PSMF1: variants seen among roughly 807,000 people sequenced by gnomAD.
The protein encoded by PSMF1 is proteasome inhibitor PI31 subunit.
A neutral mutation model predicts 29.3 loss-of-function variants in PSMF1; 30 were observed. The observed-to-expected ratio is 1.02, with a 90% CI of 0.77 to 1.39. The LOEUF (loss-of-function observed/expected upper bound fraction) is 1.39. PSMF1 is among the 40% of genes most tolerant of loss of function. The pLI is 0.00. For synonymous variants in PSMF1, 134 were observed against 139.7 expected (o/e 0.96, Z 0.29); for missense variants, 344 against 357.5 (o/e 0.96, Z 0.31).
chr20:1,132,654 C>T (rs1310888212), intron 3 of PSMF1, among the ~76,000 whole-genome samples: 1 of 152,158 alleles, frequency 6.6e-6, no homozygotes, highest in Non-Finnish European at 1.5e-5. Flanking sequence ...ATAGGAGTTG[C>T]ATTAAACCTA....
intron 1 of PSMF1, among the ~76,000 whole-genome samples, chr20:1,120,080 C>T (rs916989759): frequency 6.6e-6 from 1 of 152,136 alleles, no homozygotes; most frequent in East Asian, 1.9e-4. Context: ...TCCCCCACCC[C>T]TCACTGCTGT....
chr20:1,159,402 T>G lies in PSMF1; in HGVS notation c.552-3728T>G, dbSNP rs1445049213. Among the ~76,000 whole-genome samples, 4 of 152,172 alleles carry G rather than the reference T, an allele frequency of 2.6e-5. No homozygotes were observed. The East Asian group carries it at 7.7e-4, about 29-fold the overall frequency. ...TCTCGAACTCCTGGCCTCAAGTGATTTGCCCACCTCAGGCCTCCCAAAGTG... is the reference window on the plus strand; with the variant it reads ...TCTCGAACTCCTGGCCTCAAGTGATGTGCCCACCTCAGGCCTCCCAAAGTG... On this transcript the variant is annotated intron_variant, in intron 4 of 6. Transcript: ENST00000335877.
intron 4 of PSMF1, chr20:1,161,061 C>T (rs1286963323): frequency 3.4e-5 from 16 of 466,212 alleles, no homozygotes; most frequent in Non-Finnish European, 5.6e-5. Flanking sequence ...GTCACACACA[C>T]GGTGCCCATC....
chr20:1,116,006 C>G (rs1486061926), upstream of PSMF1, among the ~76,000 whole-genome samples: 1 of 150,520 alleles, frequency 6.6e-6, no homozygotes, highest in Non-Finnish European at 1.5e-5. Flanking sequence ...GCTGGGATTA[C>G]AGGTGTGAGC....
intron 2 of PSMF1, 59 bp from the exon 3 acceptor site, chr20:1,127,367 C>A (rs1600143903): frequency 7.7e-7 from 1 of 1,305,814 alleles, no homozygotes; most frequent in Non-Finnish European, 1.1e-6. Flanking sequence ...TCTCCCTTCA[C>A]CCTCCCACTC....
Position 1,171,067 on chromosome 20 carries a change from G to C in PSMF1, c.*5987G>C, listed in dbSNP as rs767947617. Among the ~76,000 whole-genome samples, 1 of 152,066 alleles carries C rather than the reference G, an allele frequency of 6.6e-6. No homozygotes were observed. Among genetic ancestry groups the C allele is most frequent in the Non-Finnish European group, 1.5e-5 (1 of 67,996 alleles). On this transcript the variant is annotated 3_prime_UTR_variant, in exon 7 of 7. Coordinates refer to ENST00000335877, the MANE Select transcript of PSMF1 (RefSeq NM_006814.5). ...CTCTAGGTGAGGTGCATGGGTCCCTGGGCAAAACCCATTCCAGAAGCTGGG... is the reference window on the plus strand; with the variant it reads ...CTCTAGGTGAGGTGCATGGGTCCCTCGGCAAAACCCATTCCAGAAGCTGGG...
intron 4 of PSMF1, among the ~76,000 whole-genome samples, chr20:1,141,548 A>C (rs973059222): frequency 2.0e-5 from 3 of 152,004 alleles, no homozygotes; most frequent in Non-Finnish European, 4.4e-5. Context: ...TATTTTAAGG[A>C]CTCATCATCA....
At chr20:1,123,600 T>C (rs1201554876) in intron 1 of PSMF1, among the ~76,000 whole-genome samples, 3 of 152,242 alleles carry the variant, frequency 2.0e-5, no homozygotes, top group Non-Finnish European at 4.4e-5. Context: ...CTATATAGTA[T>C]TCCACTATAA....
At chr20:1,125,906 A>C in intron 2 of PSMF1, 1 of 626,198 alleles carries the variant, frequency 1.6e-6, no homozygotes, top group South Asian at 1.5e-5. Context: ...AAATCTATTC[A>C]GTGACAAGAT....
chr20:1,127,492 C>T lies in PSMF1; in HGVS notation c.349C>T (p.Leu117=). 1 of 1,602,392 alleles carries T rather than the reference C, an allele frequency of 6.2e-7. No individual in the cohort carries two copies. Among genetic ancestry groups the T allele is most frequent in the Non-Finnish European group, 8.6e-7 (1 of 1,169,210 alleles). Residue 117 remains leucine, a synonymous_variant, in exon 3 of 7, where the codon CTG becomes TTG. Transcript: ENST00000335877. ...NLDDYIDAEH[L]GDFHRTYKNS... ...GGATGATTATATCGATGCAGAACAC[C>T]TGGGTGACTTCCACAGGTACTTCTA...
Position 1,133,569 on chromosome 20 carries a change from A to ATATATATATATATT in PSMF1, c.366-1551_366-1550insATATATATATATTT. ...TCTATATATGTGTATATATATATATATTTTTTTTTTTTTTTTGGTGTAGTC... is the reference window on the plus strand; with the variant it reads ...TCTATATATGTGTATATATATATATATATATATATATATTTTTTTTTTTTTTTTTTGGTGTAGTC... On this transcript the variant is annotated intron_variant, in intron 3 of 6. Coordinates refer to ENST00000335877, the MANE Select transcript of PSMF1 (RefSeq NM_006814.5). Among the ~76,000 whole-genome samples, 89 of 53,290 alleles carry ATATATATATATATT rather than the reference A, an allele frequency of 1.7e-3. 1 individual carries two copies. Among genetic ancestry groups the ATATATATATATATT allele is most frequent in the African/African-American group, 2.6e-3 (46 of 17,826 alleles). The allele number at this position is 53,290 out of a possible 152,430, so 35.0% of individuals were successfully genotyped here. A position where few individuals can be genotyped will look rare whatever the true frequency, so the allele number is the denominator to read the frequency against.
Position 1,170,063 on chromosome 20 carries a change from C to G in PSMF1, c.*4983C>G, listed in dbSNP as rs961065226. On this transcript the variant is annotated 3_prime_UTR_variant, in exon 7 of 7. Transcript: ENST00000335877. ...CTTCAGATCCATTTTTGACAAGTTCCTTTTGTGAGTCCTATGATCATGCAA... is the reference window on the plus strand; with the variant it reads ...CTTCAGATCCATTTTTGACAAGTTCGTTTTGTGAGTCCTATGATCATGCAA... 2.0e-5 allele frequency among the ~76,000 whole-genome samples: 3 copies of G among 152,156 alleles called. No individual in the cohort carries two copies. The highest frequency in any genetic ancestry group is 4.4e-5 in the Non-Finnish European group (3 of 68,028).
chr20:1,125,399 G>A, intron 1 of PSMF1, 99 bp from the exon 2 acceptor site: 6 of 1,278,856 alleles, frequency 4.7e-6, no homozygotes, highest in Non-Finnish European at 6.3e-6. Context: ...ATCTTCATCT[G>A]TGAAGTGAGG....
intron 4 of PSMF1, among the ~76,000 whole-genome samples, chr20:1,145,391 C>T (rs1272721257): frequency 6.6e-6 from 1 of 152,036 alleles, no homozygotes; most frequent in Non-Finnish European, 1.5e-5. Context: ...ACTGGGAGCA[C>T]ATAGGAAAAG....
rs764262088 is a variant in PSMF1 at position 1,125,655 on chromosome 20, G to C, written c.282+5G>C. The C allele has an allele frequency of 6.2e-7, 1 of 1,608,042 alleles. No homozygotes were observed. Among genetic ancestry groups the C allele is most frequent in the Non-Finnish European group, 8.5e-7 (1 of 1,177,478 alleles). ...AGCATGATCCTCAATGTGCTGGTGA[G>C]TCTCTGGGACACGTGAGTCTGCTGA... On this transcript the variant is annotated splice_donor_5th_base_variant and intron_variant, in intron 2 of 6. Coordinates refer to ENST00000335877, the MANE Select transcript of PSMF1 (RefSeq NM_006814.5).
chr20:1,135,229 C>T lies in PSMF1; in HGVS notation c.474C>T (p.Phe158=), dbSNP rs778313430. ...KANVSSPHRE[F]PPATAREVDP... is the part of the protein sequence containing the mutation. ...ATGTAAGCAGTCCCCACCGGGAGTT[C>T]CCCCCTGCTACCGCCAGAGAGGTGG... Residue 158 remains phenylalanine (F), a synonymous_variant, in exon 4 of 7, where the codon TTC becomes TTT. Transcript: ENST00000335877. The T allele has an allele frequency of 2.9e-5, 46 of 1,613,876 alleles. No individual in the cohort carries two copies. Among genetic ancestry groups the T allele is most frequent in the Non-Finnish European group, 3.7e-5 (44 of 1,179,946 alleles).
intron 4 of PSMF1, among the ~76,000 whole-genome samples, chr20:1,147,421 C>T (rs546399075): frequency 6.6e-6 from 1 of 152,260 alleles, no homozygotes; most frequent in South Asian, 2.1e-4. Flanking sequence ...AACTCAGCAG[C>T]TTATGCTTTT....
rs2086792756 is a variant in PSMF1, at chr20:1,171,771, GGACA to G, written c.*6697_*6700del. 1.3e-5 allele frequency among the ~76,000 whole-genome samples: 2 copies of G among 152,180 alleles called. No homozygotes were observed. Among genetic ancestry groups the G allele is most frequent in the Non-Finnish European group, 2.9e-5 (2 of 68,034 alleles). ...CTTACCCAGGATGGCCCACTCTTGG[GGACA>G]GACAGGCATCCTGAGAGGAGGGGGC... On this transcript the variant is annotated 3_prime_UTR_variant, in exon 7 of 7. Coordinates refer to ENST00000335877, the MANE Select transcript of PSMF1 (RefSeq NM_006814.5).
intron 1 of PSMF1, among the ~76,000 whole-genome samples, chr20:1,119,187 A>G (rs771970238): frequency 6.6e-6 from 1 of 150,762 alleles, no homozygotes; most frequent in Non-Finnish European, 1.5e-5. Flanking sequence ...GTGTGGATCT[A>G]GCATTCCATA....
Sources: gnomAD v4.1 joint callset for allele counts (sites outside exome capture counted in the v4.1 genomes callset) on GRCh38, gnomAD v4.1.1 for gene constraint, MANE v1.5 for transcripts, NCBI Gene and HGNC (gene_info 2026-07-23, HGNC 2026-07-21) for gene names.